Variants in USH2A observed in about 807,000 individuals in gnomAD.
The protein encoded by USH2A is Usher syndrome 2A (autosomal recessive, mild).
A neutral mutation model predicts 538.9 loss-of-function variants in USH2A; 443 were observed. That is an observed-to-expected ratio of 0.82 (90% CI 0.76 to 0.89). The LOEUF (loss-of-function observed/expected upper bound fraction) is 0.89. Ranked by LOEUF, USH2A falls within the 40% of genes least tolerant of loss-of-function variation. The probability of loss-of-function intolerance (pLI) is 0.00; values close to 1 mark genes in which losing one functional copy is unlikely to be tolerated. For missense variants in USH2A, 6,633 were observed against 6,324.8 expected, an observed-to-expected ratio of 1.05 and a Z score of -1.65; for synonymous variants, 2,413 against 2,273.5, an observed-to-expected ratio of 1.06 and a Z score of -1.75.
At chr1:215,693,116 G>GTA (rs1553253927) in intron 61 of USH2A, among the ~76,000 whole-genome samples, 7,138 of 133,256 alleles carry the variant, frequency 0.054, 252 homozygotes, top group African/African-American at 0.098. Flanking sequence ...GTGTGTATGT[G>GTA]TATATATATA....
At chr1:216,067,312 T>A (rs2031409185) in intron 30 of USH2A, among the ~76,000 whole-genome samples, 1 of 152,040 alleles carries the variant, frequency 6.6e-6, no homozygotes, top group East Asian at 1.9e-4. Context: ...AAATACCTAA[T>A]GTAGATGCCG....
chr1:215,773,512 GTCTCTC>G (rs939463487), intron 55 of USH2A, among the ~76,000 whole-genome samples: 2 of 94,864 alleles, frequency 2.1e-5, no homozygotes, highest in Admixed American at 9.9e-5. Context: ...CTCTCTCTCT[GTCTCTC>G]TCTCTCTCTC....
rs368696918 is a variant in USH2A, at chr1:216,166,233, G to A, written c.4627+9019C>T. Reference sequence around the variant, plus strand: ...ATTAGCCAGGTGAAAGGAAAGCGAAGTACTTGCAAATAGATGAGGGCATAC... The same window carrying A: ...ATTAGCCAGGTGAAAGGAAAGCGAAATACTTGCAAATAGATGAGGGCATAC... On this transcript the variant is annotated intron_variant, in intron 21 of 71. Coordinates refer to ENST00000307340, the MANE Select transcript of USH2A (RefSeq NM_206933.4). Among the ~76,000 whole-genome samples the A allele has an allele frequency of 1.2e-3, 188 of 152,116 alleles. 4 individuals are homozygous for A. The South Asian group carries it at 0.038, about 31-fold the overall frequency.
At chr1:215,969,258 T>G (rs1402954235) in intron 36 of USH2A, among the ~76,000 whole-genome samples, 4 of 152,180 alleles carry the variant, frequency 2.6e-5, no homozygotes, top group Admixed American at 2.6e-4. Flanking sequence ...CTCTGTGCTG[T>G]AAGTCAGGAT....
In USH2A at chr1:215,768,212, G is replaced by A. The variant is rs187674118; in HGVS notation, c.10940-1424C>T. Among the ~76,000 whole-genome samples, 14 of 152,122 alleles carry A rather than the reference G, an allele frequency of 9.2e-5. No homozygotes were observed. The East Asian group carries it at 1.9e-3, about 21-fold the overall frequency. On this transcript the variant is annotated intron_variant, in intron 55 of 71. Coordinates refer to ENST00000307340, the MANE Select transcript of USH2A (RefSeq NM_206933.4). The stretch of plus-strand genomic sequence containing the variant: ...TTTTCTTATTTCAGAGCCTTCAACC[G>A]TCTCTGATGTTTGCTGTGTCTCTTG...
intron 11 of USH2A, among the ~76,000 whole-genome samples, chr1:216,258,015 G>A (rs2036291906): frequency 6.6e-6 from 1 of 151,854 alleles, no homozygotes; most frequent in Admixed American, 6.6e-5. Flanking sequence ...CACAATTCTG[G>A]ATCAATTTTG....
intron 66 of USH2A, 92 bp from the exon 67 acceptor site, chr1:215,647,822 T>C: frequency 2.0e-6 from 3 of 1,471,896 alleles, no homozygotes; most frequent in Non-Finnish European, 2.8e-6. Flanking sequence ...TGAGGAGACA[T>C]TTTGTTTTCA....
At chr1:216,315,659 G>A (rs2037493155) in intron 9 of USH2A, among the ~76,000 whole-genome samples, 1 of 151,940 alleles carries the variant, frequency 6.6e-6, no homozygotes, top group African/African-American at 2.4e-5. Flanking sequence ...TGTTACCATG[G>A]GACAAATTGG....
chr1:216,324,480 A>G, intron 6 of USH2A, 128 bp from the exon 7 acceptor site: 1 of 894,326 alleles, frequency 1.1e-6, no homozygotes, highest in Non-Finnish European at 1.7e-6. Context: ...TCAAATATGT[A>G]TTAGACATCC....
At chr1:215,872,590 GA>G (rs966462108) in intron 43 of USH2A, among the ~76,000 whole-genome samples, 4 of 151,992 alleles carry the variant, frequency 2.6e-5, no homozygotes, top group East Asian at 1.9e-4. Flanking sequence ...AACACTAGGG[GA>G]AAAAAACCTC....
chr1:216,323,670 C>G lies in USH2A; in HGVS notation c.1354G>C (p.Val452Leu), dbSNP rs750788129. Residue 452 changes from valine (V) to leucine (L), a missense_variant, in exon 8 of 72, where the codon GTC becomes CTC. Physicochemically the swap from Val to Leu is conservative, Grantham distance 32. Coordinates refer to ENST00000307340, the MANE Select transcript of USH2A (RefSeq NM_206933.4). ...SNFTPYSRGN[V>L]TFSILTPGPN... The stretch of plus-strand genomic sequence containing the variant: ...CCAGGTGTCAGGATGCTAAATGTGA[C>G]ATTGCCACGGGAATATGGAGTAAAA... 6.2e-7 allele frequency: 1 copy of G among 1,613,470 alleles called. No individual in the cohort carries two copies. Among genetic ancestry groups the G allele is most frequent in the Non-Finnish European group, 8.5e-7 (1 of 1,179,664 alleles).
intron 43 of USH2A, among the ~76,000 whole-genome samples, chr1:215,872,146 C>G (rs1664637696): frequency 6.6e-6 from 1 of 152,194 alleles, no homozygotes; most frequent in Non-Finnish European, 1.5e-5. Flanking sequence ...CACCATCACA[C>G]AAGTGTGGAT....
chr1:216,154,689 T>G (rs2033903244), intron 21 of USH2A, among the ~76,000 whole-genome samples: 1 of 152,216 alleles, frequency 6.6e-6, no homozygotes, highest in Non-Finnish European at 1.5e-5. Context: ...TGATCTCCTT[T>G]TTGTCACTAT....
intron 21 of USH2A, among the ~76,000 whole-genome samples, chr1:216,109,539 G>C (rs1354814511): frequency 6.6e-6 from 1 of 152,086 alleles, no homozygotes; most frequent in Non-Finnish European, 1.5e-5. Context: ...TTTTCTTGTT[G>C]TTACCATGAA....
chr1:216,307,107 C>T (rs763986876), intron 9 of USH2A, among the ~76,000 whole-genome samples: 4 of 151,944 alleles, frequency 2.6e-5, no homozygotes, highest in African/African-American at 4.8e-5. Flanking sequence ...GTTTCTCAGG[C>T]GGTGGTCAGG....
intron 37 of USH2A, among the ~76,000 whole-genome samples, chr1:215,957,090 A>G (rs1667086543): frequency 6.6e-6 from 1 of 152,190 alleles, no homozygotes; most frequent in Admixed American, 6.5e-5. Context: ...ATGTGTTGGA[A>G]ACTTACAGAA....
chr1:215,955,514 A>G (rs73092440), intron 37 of USH2A, among the ~76,000 whole-genome samples: 22,682 of 152,160 alleles, frequency 0.15, 1,902 homozygotes, highest in African/African-American at 0.22. Flanking sequence ...CCAAATAAAC[A>G]AATAAATTTC....
chr1:216,138,579 T>G (rs1467662203), intron 21 of USH2A, among the ~76,000 whole-genome samples: 2 of 152,176 alleles, frequency 1.3e-5, no homozygotes, highest in African/African-American at 4.8e-5. Context: ...CAAGTCCTCT[T>G]TTTTGGCTCA....
chr1:215,979,944 G>T (rs1311847533), intron 35 of USH2A, among the ~76,000 whole-genome samples: 1 of 152,088 alleles, frequency 6.6e-6, no homozygotes, highest in African/African-American at 2.4e-5. Context: ...TCTGTGTCTT[G>T]ATTATATCAG....
Sources: gnomAD v4.1 joint callset for allele counts (sites outside exome capture counted in the v4.1 genomes callset) on GRCh38, gnomAD v4.1.1 for gene constraint, MANE v1.5 for transcripts, NCBI Gene and HGNC (gene_info 2026-07-23, HGNC 2026-07-21) for gene names.